Variants in TSHZ2 observed in about 807,000 individuals in gnomAD.
TSHZ2 encodes teashirt zinc finger homeobox 2.
TSHZ2 carries 21 observed loss-of-function variants against 74.4 expected under a neutral mutation model. That is an observed-to-expected ratio of 0.28 (90% CI 0.20 to 0.41). TSHZ2 has a LOEUF of 0.41. Ranked by LOEUF, TSHZ2 falls within the 10% of genes least tolerant of loss-of-function variation. The pLI, the probability that TSHZ2 is intolerant of heterozygous loss-of-function variation, is 1.00. For missense variants in TSHZ2, 1,244 were observed against 1,293.5 expected, an observed-to-expected ratio of 0.96 and a Z score of 0.59; for synonymous variants, 540 against 515.3, an observed-to-expected ratio of 1.05 and a Z score of -0.65.
intron 1 of TSHZ2, among the ~76,000 whole-genome samples, chr20:53,200,345 T>C (rs1265238637): frequency 6.6e-6 from 1 of 152,094 alleles, no homozygotes; most frequent in Non-Finnish European, 1.5e-5. Flanking sequence ...AGCCTTCACC[T>C]GAAAACCAGG....
chr20:53,050,531 G>T (rs115755171), intron 1 of TSHZ2, among the ~76,000 whole-genome samples: 2 of 152,110 alleles, frequency 1.3e-5, no homozygotes, highest in African/African-American at 4.8e-5. Flanking sequence ...TGTCTTGCCC[G>T]CACGGGGCTG....
intron 2 of TSHZ2, among the ~76,000 whole-genome samples, chr20:53,363,724 G>C (rs1179561944): frequency 6.6e-6 from 1 of 152,210 alleles, no homozygotes; most frequent in Non-Finnish European, 1.5e-5. Context: ...GAGGTGGGAA[G>C]ATTGCTTGAG....
intron 1 of TSHZ2, among the ~76,000 whole-genome samples, chr20:53,190,056 G>C (rs1292122763): frequency 8.2e-6 from 1 of 121,992 alleles, no homozygotes; most frequent in African/African-American, 3.1e-5. Context: ...CTGTACTCCA[G>C]CCTGGGTGAC....
At chr20:53,455,562 CTTT>C (rs1357969514) in intron 2 of TSHZ2, 1 of 151,110 alleles carries the variant, frequency 6.6e-6, no homozygotes, top group African/African-American at 2.4e-5. Context: ...ATATGTTTTT[CTTT>C]TTTTATTATT....
intron 2 of TSHZ2, among the ~76,000 whole-genome samples, chr20:53,300,812 G>A (rs1162160377): frequency 2.0e-5 from 3 of 152,188 alleles, no homozygotes; most frequent in Non-Finnish European, 2.9e-5. Flanking sequence ...TGGAGAGGAA[G>A]CAGGGAGGAG....
intron 2 of TSHZ2, among the ~76,000 whole-genome samples, chr20:53,341,742 G>A (rs1980213717): frequency 6.6e-6 from 1 of 152,078 alleles, no homozygotes; most frequent in African/African-American, 2.4e-5. Context: ...GGACAGAGCT[G>A]CTCTGTTGCC....
At chr20:53,103,682 A>G (rs997281056) in intron 1 of TSHZ2, among the ~76,000 whole-genome samples, 3 of 152,178 alleles carry the variant, frequency 2.0e-5, no homozygotes, top group Non-Finnish European at 2.9e-5. Context: ...ACATCTGGGA[A>G]GTGTGACTTG....
intron 1 of TSHZ2, among the ~76,000 whole-genome samples, chr20:53,017,886 G>A (rs6022214): frequency 0.28 from 43,021 of 152,038 alleles, 7,319 homozygotes; most frequent in East Asian, 0.51. Flanking sequence ...AATAGACTAT[G>A]TAACTTTCAT....
intron 2 of TSHZ2, among the ~76,000 whole-genome samples, chr20:53,312,211 G>A (rs900981184): frequency 1.3e-5 from 2 of 152,202 alleles, no homozygotes; most frequent in Non-Finnish European, 2.9e-5. Flanking sequence ...AAGCACATAA[G>A]GACAGGGCAG....
intron 1 of TSHZ2, among the ~76,000 whole-genome samples, chr20:53,243,413 CAT>C: frequency 6.6e-6 from 1 of 152,260 alleles, no homozygotes; most frequent in East Asian, 1.9e-4. Context: ...GAGATGAAAG[CAT>C]ATCATAAAAG....
Position 52,972,748 on chromosome 20 carries a change from TGGA to T in TSHZ2, c.-528_-526del, listed in dbSNP as rs1305728249. The T allele has an allele frequency of 8.1e-4, 95 of 117,646 alleles. 1 individual carries two copies. Among genetic ancestry groups the T allele is most frequent in the East Asian group, 4.0e-3 (17 of 4,294 alleles). 7.3% of individuals were successfully genotyped at this position (117,646 alleles called of 1,614,324 possible). A position where few individuals can be genotyped will look rare whatever the true frequency, so the allele number is the denominator to read the frequency against. ...AAGAAGGAGGAGGTGGAGGAGGAGG[TGGA>T]GGAGGAGGAGGAGGAGGGAAAGAGG... On this transcript the variant is annotated 5_prime_UTR_variant, in exon 1 of 3. Transcript: ENST00000371497.
intron 1 of TSHZ2, among the ~76,000 whole-genome samples, chr20:53,093,022 C>CT (rs2123266549): frequency 6.6e-6 from 1 of 152,236 alleles, no homozygotes; most frequent in African/African-American, 2.4e-5. Context: ...TTGCCCTGTG[C>CT]TAGGGAGCAC....
At chr20:53,006,902 T>C (rs892071830) in intron 1 of TSHZ2, among the ~76,000 whole-genome samples, 2 of 148,206 alleles carry the variant, frequency 1.3e-5, no homozygotes, top group Non-Finnish European at 3.0e-5. Context: ...TCTGAGTTAA[T>C]TGAGTAGGAG....
chr20:53,036,340 G>A (rs1006403083), intron 1 of TSHZ2, among the ~76,000 whole-genome samples: 14 of 152,058 alleles, frequency 9.2e-5, no homozygotes, highest in African/African-American at 3.1e-4. Context: ...GTTCTGTGAT[G>A]TTAAATGTTA....
At chr20:53,036,905 T>C (rs1269403075) in intron 1 of TSHZ2, among the ~76,000 whole-genome samples, 1 of 151,730 alleles carries the variant, frequency 6.6e-6, no homozygotes, top group Non-Finnish European at 1.5e-5. Flanking sequence ...GCTGTAATTT[T>C]GCTTTTTTAC....
chr20:53,335,316 A>G (rs542136723), intron 2 of TSHZ2, among the ~76,000 whole-genome samples: 4 of 152,228 alleles, frequency 2.6e-5, no homozygotes, highest in Non-Finnish European at 5.9e-5. Context: ...GATGGTCATC[A>G]TGGAAGTGGT....
intron 1 of TSHZ2, among the ~76,000 whole-genome samples, chr20:53,000,705 C>T (rs1033919752): frequency 6.6e-6 from 1 of 152,066 alleles, no homozygotes; most frequent in Non-Finnish European, 1.5e-5. Context: ...AACAATTTCA[C>T]CTGGATGAGA....
At chr20:53,406,071 G>A (rs1039355805) in intron 2 of TSHZ2, among the ~76,000 whole-genome samples, 1 of 152,168 alleles carries the variant, frequency 6.6e-6, no homozygotes, top group African/African-American at 2.4e-5. Context: ...CAGGGTAGAT[G>A]ATGAAGGCAT....
intron 1 of TSHZ2, among the ~76,000 whole-genome samples, chr20:53,123,980 T>G (rs972909650): frequency 6.6e-6 from 1 of 152,188 alleles, no homozygotes; most frequent in Non-Finnish European, 1.5e-5. Context: ...CTGCTTAATA[T>G]GGTTGATAGA....
Sources: allele counts gnomAD v4.1 joint callset (sites outside exome capture counted in the v4.1 genomes callset), GRCh38; gene constraint gnomAD v4.1.1; transcripts MANE v1.5; gene names NCBI Gene and HGNC (gene_info 2026-07-23, HGNC 2026-07-21).